CCDC39: variants seen among roughly 807,000 people sequenced by gnomAD.
CCDC39 encodes coiled-coil domain-containing protein 39.
Under a neutral mutation model 121.0 loss-of-function variants are expected in CCDC39, and 113 were observed. The observed-to-expected ratio is 0.93, with a 90% CI of 0.80 to 1.09. CCDC39 has a LOEUF of 1.09. Among genes scored for constraint, CCDC39 ranks in the 50% least tolerant of loss-of-function variants. CCDC39 has a pLI of 0.00. For synonymous variants in CCDC39, 349 were observed against 352.2 expected, an observed-to-expected ratio of 0.99 and a Z score of 0.10; for missense variants, 1,063 against 1,074.7, an observed-to-expected ratio of 0.99 and a Z score of 0.15.
chr3:180,653,035 T>C (rs1711510907), intron 7 of CCDC39, among the ~76,000 whole-genome samples: 1 of 152,320 alleles, frequency 6.6e-6, no homozygotes, highest in Non-Finnish European at 1.5e-5. Flanking sequence ...TGTTCATGGA[T>C]TGGAAGAATT....
At position 180,614,709 on chromosome 3, in the gene CCDC39, G is replaced by A. The variant is rs1576928331; in HGVS notation, c.*212C>T. The A allele has an allele frequency of 2.1e-6, 1 of 476,130 alleles. No homozygotes were observed. The highest frequency in any genetic ancestry group is 3.7e-5 in the East Asian group (1 of 27,026). The allele number at this position is 476,130 out of a possible 1,614,324, so 29.5% of individuals were successfully genotyped here. A position where few individuals can be genotyped will look rare whatever the true frequency, so the allele number is the denominator to read the frequency against. ...CATTTTTCCTATGCTTGTATAACAT[G>A]TAGCCTTGTCAAGAATCTGCTATTA... is the stretch of plus-strand genomic sequence containing the variant. On this transcript the variant is annotated 3_prime_UTR_variant, in exon 20 of 20. Transcript: ENST00000476379.
At chr3:180,634,046 A>G (rs1166585183) in intron 13 of CCDC39, among the ~76,000 whole-genome samples, 2 of 152,118 alleles carry the variant, frequency 1.3e-5, no homozygotes, top group African/African-American at 4.8e-5. Context: ...CTTACAGCAC[A>G]CTACAGTCAC....
chr3:180,642,392 C>A (rs1381237365), intron 12 of CCDC39, among the ~76,000 whole-genome samples, 191 bp from the exon 13 acceptor site: 8 of 150,076 alleles, frequency 5.3e-5, no homozygotes, highest in Non-Finnish European at 1.2e-4. Context: ...TATAGTTATT[C>A]CAAATCTTTT....
intron 16 of CCDC39, chr3:180,617,615 TA>T (rs1717297900): frequency 4.9e-6 from 2 of 407,424 alleles, no homozygotes; most frequent in Non-Finnish European, 4.3e-6. Context: ...ACAAAAAAAT[TA>T]AAAAGTAAAA....
intron 13 of CCDC39, among the ~76,000 whole-genome samples, chr3:180,632,966 T>C (rs16831798): frequency 0.18 from 27,828 of 152,134 alleles, 2,731 homozygotes; most frequent in Non-Finnish European, 0.21. Flanking sequence ...ATGTTGAAGC[T>C]AGAGAAAGAG....
Position 180,614,265 on chromosome 3 carries a change from G to A in CCDC39, c.*656C>T, listed in dbSNP as rs985151013. On this transcript the variant is annotated 3_prime_UTR_variant, in exon 20 of 20. Coordinates refer to ENST00000476379, the MANE Select transcript of CCDC39 (RefSeq NM_181426.2). ...CTGTATCTGAAAGCAAATCTTTAAT[G>A]CGTTTATTTCAAGGTCAGAAGTGAT... 4 of 155,578 alleles carry A rather than the reference G, an allele frequency of 2.6e-5. No individual in the cohort carries two copies. The highest frequency in any genetic ancestry group is 9.8e-5 in the African/African-American group (4 of 40,958). 9.6% of individuals were successfully genotyped at this position (155,578 alleles called of 1,614,324 possible). A position where few individuals can be genotyped will look rare whatever the true frequency, so the allele number is the denominator to read the frequency against.
At position 180,651,502 on chromosome 3, in the gene CCDC39, T is replaced by C; in HGVS notation, c.1066A>G (p.Ile356Val). 2 of 1,532,568 alleles carry C rather than the reference T, an allele frequency of 1.3e-6. No individual in the cohort carries two copies. Among genetic ancestry groups the C allele is most frequent in the Non-Finnish European group, 8.8e-7 (1 of 1,140,070 alleles). The allele number at this position is 1,532,568 out of a possible 1,614,324, so 94.9% of individuals were successfully genotyped here. The stretch of plus-strand genomic sequence containing the variant: ...GTTATCTCCTTTAATTTTGTTTGTA[T>C]TATCTCATTATGATTTTTAGTTTTT... ...LQKTKNHNEIIQTKLKEITEK... is the reference protein window; with the variant it reads ...LQKTKNHNEIVQTKLKEITEK... Residue 356 changes from isoleucine (I) to valine (V), a missense_variant, in exon 9 of 20, where the codon ATA becomes GTA. Ile to Val is a conservative substitution (Grantham distance 29). Coordinates refer to ENST00000476379, the MANE Select transcript of CCDC39 (RefSeq NM_181426.2).
Position 180,651,399 on chromosome 3 carries a change from A to G in CCDC39, c.1167+2T>C. 6.4e-7 allele frequency: 1 copy of G among 1,551,838 alleles called. No individual in the cohort carries two copies. On this transcript the variant is annotated splice_donor_variant, in intron 9 of 19. Transcript: ENST00000476379. LOFTEE classifies it high-confidence loss of function. ...TAAAGAAAAATTAAAACTAAACTTT[A>G]CCTTCACATCTTTTTCCTCCTCCTT... is the stretch of plus-strand genomic sequence containing the variant.
chr3:180,669,746 A>G (rs1230442482), intron 1 of CCDC39, among the ~76,000 whole-genome samples: 1 of 151,650 alleles, frequency 6.6e-6, no homozygotes, highest in Non-Finnish European at 1.5e-5. Context: ...GGGTCCTGTA[A>G]TTGTCCTGTT....
chr3:180,624,686 T>G (rs960670399), intron 14 of CCDC39, among the ~76,000 whole-genome samples: 1 of 152,232 alleles, frequency 6.6e-6, no homozygotes, highest in Non-Finnish European at 1.5e-5. Context: ...AGTCTAGTGG[T>G]GAAGAATTCC....
chr3:180,631,652 A>G (rs1717701272), intron 13 of CCDC39, 60 bp from the exon 14 acceptor site: 5 of 1,415,042 alleles, frequency 3.5e-6, no homozygotes, highest in Non-Finnish European at 4.8e-6. Context: ...TTAAAGGACT[A>G]TCAAGTGTTC....
chr3:180,660,614 G>A lies in CCDC39; in HGVS notation c.472C>T (p.Leu158Phe). ...EESAHKDSDA[L>F]TLQKYAQQDD... Reference sequence around the variant, plus strand: ...TGTTGTGCATACTTCTGGAGAGTGAGAGCATCACTATCTTTATGAGCTGAT... The same window carrying A: ...TGTTGTGCATACTTCTGGAGAGTGAAAGCATCACTATCTTTATGAGCTGAT... The change falls in exon 4 of 20, where the codon CTC (leucine) becomes TTC (phenylalanine). Residue 158 changes from leucine (L) to phenylalanine (F), a missense_variant. Coordinates refer to ENST00000476379, the MANE Select transcript of CCDC39 (RefSeq NM_181426.2). The A allele has an allele frequency of 3.1e-6, 5 of 1,601,452 alleles. No homozygotes were observed. Among genetic ancestry groups the A allele is most frequent in the Non-Finnish European group, 3.4e-6 (4 of 1,172,856 alleles).
intron 11 of CCDC39, 126 bp from the exon 12 acceptor site, chr3:180,644,383 T>C (rs1236190860): frequency 7.1e-6 from 4 of 563,546 alleles, no homozygotes; most frequent in Non-Finnish European, 1.2e-5. Context: ...ATCCTATGTT[T>C]TATTATCTCT....
chr3:180,635,780 G>A (rs996180383), intron 13 of CCDC39, among the ~76,000 whole-genome samples: 1 of 152,188 alleles, frequency 6.6e-6, no homozygotes, highest in African/African-American at 2.4e-5. Flanking sequence ...GGTGCATGGT[G>A]CAAGCTGTCG....
rs1711680882 is a variant in CCDC39, at chr3:180,659,370, G to A, written c.738+82C>T. The A allele has an allele frequency of 7.2e-6, 11 of 1,528,014 alleles. No individual in the cohort carries two copies. The South Asian group carries it at 1.1e-4, about 15-fold the overall frequency. The allele number at this position is 1,528,014 out of a possible 1,614,324, so 94.7% of individuals were successfully genotyped here. A position where few individuals can be genotyped will look rare whatever the true frequency, so the allele number is the denominator to read the frequency against. On this transcript the variant is annotated intron_variant, in intron 6 of 19. Transcript: ENST00000476379. ...ACAAAAGTGACTTTCAAATAACAAT[G>A]TGATTTACATTTGGAATAATGAGTT...
chr3:180,660,916 TA>T (rs1429236244), intron 3 of CCDC39, among the ~76,000 whole-genome samples, 188 bp from the exon 4 acceptor site: 2 of 152,038 alleles, frequency 1.3e-5, no homozygotes, highest in African/African-American at 2.4e-5. Flanking sequence ...GCTTGTATCT[TA>T]ATTCTTTCAT....
intron 9 of CCDC39, among the ~76,000 whole-genome samples, chr3:180,649,992 C>T (rs1718160659): frequency 6.6e-6 from 1 of 152,152 alleles, no homozygotes; most frequent in Non-Finnish European, 1.5e-5. Context: ...TTTTACAGCA[C>T]ACTGAGGAAG....
intron 9 of CCDC39, among the ~76,000 whole-genome samples, chr3:180,650,635 T>C (rs1452193832): frequency 6.6e-6 from 1 of 151,868 alleles, no homozygotes; most frequent in Admixed American, 6.6e-5. Context: ...GGAGGGTAGA[T>C]CACTTGAGGT....
chr3:180,637,443 G>T (rs902855569), intron 13 of CCDC39, among the ~76,000 whole-genome samples: 1 of 152,192 alleles, frequency 6.6e-6, no homozygotes, highest in Non-Finnish European at 1.5e-5. Flanking sequence ...TGCTGGTGAG[G>T]TTGCAGAGAA....
Sources: allele counts gnomAD v4.1 joint callset (sites outside exome capture counted in the v4.1 genomes callset), GRCh38; gene constraint gnomAD v4.1.1; transcripts MANE v1.5; gene names NCBI Gene and HGNC (gene_info 2026-07-23, HGNC 2026-07-21).